DDX19B: variants seen among roughly 807,000 people sequenced by gnomAD.
DDX19B encodes DEAD-box helicase 19B.
DDX19B carries 27 observed loss-of-function variants against 58.1 expected under a neutral mutation model. That is an observed-to-expected ratio of 0.46 (90% CI 0.34 to 0.64). The LOEUF is 0.64. DDX19B is among the 30% of genes least tolerant of loss of function. The pLI, the probability that DDX19B is intolerant of heterozygous loss-of-function variation, is 0.01. For synonymous variants in DDX19B, 187 were observed against 214.4 expected, an observed-to-expected ratio of 0.87 and a Z score of 1.12; for missense variants, 399 against 596.5, an observed-to-expected ratio of 0.67 and a Z score of 3.45.
At chr16:70,295,753 T>G (rs1302751504), upstream of DDX19B, among the ~76,000 whole-genome samples, 1 of 152,104 alleles carries the variant, frequency 6.6e-6, no homozygotes, top group Non-Finnish European at 1.5e-5. Flanking sequence ...TAGTCCCAGC[T>G]ACTTGGGAAG....
At chr16:70,295,256 G>A (rs1481568038), upstream of DDX19B, among the ~76,000 whole-genome samples, 1 of 152,082 alleles carries the variant, frequency 6.6e-6, no homozygotes, top group Non-Finnish European at 1.5e-5. Flanking sequence ...GGTGAACTTA[G>A]GAGAGTCTGA....
At chr16:70,294,862 G>A, upstream of DDX19B, 2 of 1,524,292 alleles carry the variant, frequency 1.3e-6, no homozygotes, top group South Asian at 2.4e-5. Flanking sequence ...GGGGCTGCCG[G>A]GCGCGTCCAA....
At chr16:70,327,077 T>G (rs575075113) in intron 7 of DDX19B, among the ~76,000 whole-genome samples, 34 of 146,732 alleles carry the variant, frequency 2.3e-4, no homozygotes, top group African/African-American at 4.8e-4. Flanking sequence ...CTCGTGATCC[T>G]CCCGCCTTGG....
chr16:70,333,558 C>A lies in DDX19B; in HGVS notation c.1416C>A (p.Asp472Glu), dbSNP rs74026003. ...KIERLDTDDL[D>E]EIEKIAN is the part of the protein sequence containing the mutation. ...AAAGATTGGACACAGATGATTTGGA[C>A]GAGATTGAGAAAATAGCCAACTGAG... Residue 472 changes from aspartate to glutamate, a missense_variant, in exon 12 of 12, where the codon GAC (aspartate) becomes GAA (glutamate). Coordinates refer to ENST00000288071, the MANE Select transcript of DDX19B (RefSeq NM_007242.7). 6 of 1,613,930 alleles carry A rather than the reference C, an allele frequency of 3.7e-6. No homozygotes were observed. Among genetic ancestry groups the A allele is most frequent in the South Asian group, 1.1e-5 (1 of 91,074 alleles).
Position 70,331,818 on chromosome 16 carries a change from G to A in DDX19B, c.1120G>A (p.Ala374Thr). 3.1e-6 allele frequency: 5 copies of A among 1,614,216 alleles called. No homozygotes were observed. Among genetic ancestry groups the A allele is most frequent in the Non-Finnish European group, 4.2e-6 (5 of 1,180,032 alleles). The change falls in exon 10 of 12, where the codon GCA (alanine) becomes ACA (threonine). Residue 374 changes from alanine (A) to threonine (T), a missense_variant. Coordinates refer to ENST00000288071, the MANE Select transcript of DDX19B (RefSeq NM_007242.7). ...GGAGATGATGGTGGAACAGAGGGCT[G>A]CAGTGATTGAGCGCTTCCGAGAGGG... is the stretch of plus-strand genomic sequence containing the variant. ...SGEMMVEQRA[A>T]VIERFREGKE...
chr16:70,291,235 G>A (rs1210287520), upstream of DDX19B, among the ~76,000 whole-genome samples: 1 of 152,064 alleles, frequency 6.6e-6, no homozygotes, highest in African/African-American at 2.4e-5. Flanking sequence ...GTAAAATAAG[G>A]CAGAGAGAGA....
At chr16:70,323,454 C>T (rs1453002122) in intron 5 of DDX19B, among the ~76,000 whole-genome samples, 4 of 144,938 alleles carry the variant, frequency 2.8e-5, no homozygotes, top group Non-Finnish European at 4.5e-5. Context: ...CACTGAGTCT[C>T]GCTCTATCAC....
At chr16:70,325,759 C>A in intron 7 of DDX19B, 71 bp downstream of exon 7, 1 of 1,134,212 alleles carries the variant, frequency 8.8e-7, no homozygotes, top group Non-Finnish European at 1.3e-6. Flanking sequence ...AAAACCCACC[C>A]AATAGTTGAA....
At chr16:70,305,758 A>C (rs1187030053) in intron 1 of DDX19B, among the ~76,000 whole-genome samples, 2 of 151,662 alleles carry the variant, frequency 1.3e-5, no homozygotes, top group African/African-American at 4.8e-5. Flanking sequence ...TATTTTTTAA[A>C]TTTTTATGTA....
upstream of DDX19B, chr16:70,294,662 A>T: frequency 2.2e-6 from 1 of 451,236 alleles, no homozygotes; most frequent in Non-Finnish European, 3.9e-6. Flanking sequence ...CAGGAAACAA[A>T]GCCCTCTGCG....
At chr16:70,292,037 G>T (rs59849898), upstream of DDX19B, among the ~76,000 whole-genome samples, 10,700 of 152,034 alleles carry the variant, frequency 0.07, 1,263 homozygotes, top group African/African-American at 0.24. Context: ...TGTAGTCCCA[G>T]CTGCTCAAGA....
chr16:70,295,500 T>G (rs1165394780), upstream of DDX19B, among the ~76,000 whole-genome samples: 1 of 151,904 alleles, frequency 6.6e-6, no homozygotes, highest in Non-Finnish European at 1.5e-5. Flanking sequence ...TGCCCAGGCT[T>G]GCATATTTAT....
chr16:70,324,552 T>C (rs1963040436), intron 5 of DDX19B, 33 bp from the exon 6 acceptor site: 1 of 1,587,290 alleles, frequency 6.3e-7, no homozygotes, highest in African/African-American at 1.4e-5. Context: ...AAGGTTGAGA[T>C]TTAAGCTCCT....
intron 5 of DDX19B, among the ~76,000 whole-genome samples, chr16:70,319,182 T>C (rs1208567230): frequency 6.6e-6 from 1 of 152,110 alleles, no homozygotes; most frequent in Non-Finnish European, 1.5e-5. Flanking sequence ...CATCTTCCTA[T>C]GTTGGTAAAT....
At chr16:70,312,750 G>A (rs867551372) in intron 2 of DDX19B, 93 bp downstream of exon 2, 11 of 1,066,752 alleles carry the variant, frequency 1.0e-5, no homozygotes, top group Middle Eastern at 2.0e-4. Flanking sequence ...ATTTGTATTT[G>A]TACCAGGCAG....
At chr16:70,291,357 T>G (rs1157023442), upstream of DDX19B, among the ~76,000 whole-genome samples, 1 of 152,182 alleles carries the variant, frequency 6.6e-6, no homozygotes, top group Non-Finnish European at 1.5e-5. Context: ...TGAGTCAGAC[T>G]TCTAAGCCAC....
At chr16:70,325,825 G>A in intron 7 of DDX19B, 137 bp downstream of exon 7, 1 of 714,616 alleles carries the variant, frequency 1.4e-6, no homozygotes, top group South Asian at 1.8e-5. Context: ...TTAACATTTT[G>A]CCATATTTGC....
chr16:70,296,303 AT>A (rs56858222), upstream of DDX19B, among the ~76,000 whole-genome samples: 11,262 of 142,098 alleles, frequency 0.079, 1,273 homozygotes, highest in African/African-American at 0.26. Context: ...ACCTGGCCAC[AT>A]TTTTTTTTTT....
intron 2 of DDX19B, 69 bp from the exon 3 acceptor site, chr16:70,314,832 GA>G: frequency 6.4e-7 from 1 of 1,559,112 alleles, no homozygotes; most frequent in Admixed American, 1.7e-5. Context: ...TAGTGTCATA[GA>G]ATTTGAATTG....
Sources: gnomAD v4.1 joint callset for allele counts (sites outside exome capture counted in the v4.1 genomes callset) on GRCh38, gnomAD v4.1.1 for gene constraint, MANE v1.5 for transcripts, NCBI Gene and HGNC (gene_info 2026-07-23, HGNC 2026-07-21) for gene names.